Variants in HDAC4 observed in about 807,000 individuals in gnomAD.
The protein encoded by HDAC4 is histone deacetylase A.
In HDAC4, 16 loss-of-function variants were observed where a neutral mutation model predicts 135.1. That is an observed-to-expected ratio of 0.12 (90% CI 0.08 to 0.18). The LOEUF (loss-of-function observed/expected upper bound fraction) is 0.18, where lower values mean the gene tolerates loss of function less well. HDAC4 is among the 10% of genes least tolerant of loss of function. The pLI is 1.00. For synonymous variants in HDAC4, 685 were observed against 653.4 expected, an observed-to-expected ratio of 1.05 and a Z score of -0.74; for missense variants, 1,143 against 1,511.8, an observed-to-expected ratio of 0.76 and a Z score of 4.05.
intron 14 of HDAC4, among the ~76,000 whole-genome samples, chr2:239,111,057 C>T (rs2038624298): frequency 6.6e-6 from 1 of 152,246 alleles, no homozygotes; most frequent in South Asian, 2.1e-4. Context: ...CACAGCGTGT[C>T]CCAGGGGTCC....
chr2:239,156,834 C>T (rs2152951672), intron 6 of HDAC4, 61 bp from the exon 7 acceptor site: 2 of 1,604,646 alleles, frequency 1.2e-6, no homozygotes, highest in South Asian at 2.2e-5. Flanking sequence ...AGGCATGCTG[C>T]AGCCGAGAAG....
At chr2:239,169,664 G>A (rs2043329444) in intron 5 of HDAC4, among the ~76,000 whole-genome samples, 1 of 152,232 alleles carries the variant, frequency 6.6e-6, no homozygotes, top group African/African-American at 2.4e-5. Context: ...AGAACACCCT[G>A]GAGTGAACAG....
In HDAC4 at chr2:239,081,854, T is replaced by A. The variant is rs148847978; in HGVS notation, c.2652+248A>T. On this transcript the variant is annotated intron_variant, in intron 21 of 26. Coordinates refer to ENST00000543185, the MANE Select transcript of HDAC4 (RefSeq NM_001378414.1). ...ACACCTCCTCCTTCACAAACACCTCTGTCTGCCTGGATGGGAACCAGAAAC... is the reference window on the plus strand; with the variant it reads ...ACACCTCCTCCTTCACAAACACCTCAGTCTGCCTGGATGGGAACCAGAAAC... 5.3e-3 allele frequency among the ~76,000 whole-genome samples: 813 copies of A among 152,352 alleles called. 8 individuals are homozygous for A. The highest frequency in any genetic ancestry group is 0.018 in the African/African-American group (768 of 41,590).
chr2:239,134,652 A>C lies in HDAC4; in HGVS notation c.979-9T>G. Reference sequence around the variant, plus strand: ...CTGTGCGCCAAACTCGTCTGGGGACAGAACACACGATGACCATCACAGTCT... The same window carrying C: ...CTGTGCGCCAAACTCGTCTGGGGACCGAACACACGATGACCATCACAGTCT... On this transcript the variant is annotated splice_polypyrimidine_tract_variant and intron_variant, in intron 9 of 26. Coordinates refer to ENST00000543185, the MANE Select transcript of HDAC4 (RefSeq NM_001378414.1). 6.2e-7 allele frequency: 1 copy of C among 1,603,730 alleles called. No individual in the cohort carries two copies.
chr2:239,298,392 G>A, intron 2 of HDAC4: 2 of 1,180,870 alleles, frequency 1.7e-6, no homozygotes, highest in South Asian at 1.6e-5. Context: ...CAGAGCTCTT[G>A]CACCTCAGAG....
chr2:239,292,168 C>T (rs955737398), intron 2 of HDAC4, among the ~76,000 whole-genome samples: 1 of 152,176 alleles, frequency 6.6e-6, no homozygotes, highest in Non-Finnish European at 1.5e-5. Context: ...GTAGGTGGGG[C>T]CCCAAGTGTT....
chr2:239,222,058 G>A (rs553215732), intron 3 of HDAC4, among the ~76,000 whole-genome samples: 5 of 152,264 alleles, frequency 3.3e-5, no homozygotes, highest in East Asian at 1.9e-4. Context: ...GCCATAAGGG[G>A]CTCCAAAGAC....
intron 25 of HDAC4, among the ~76,000 whole-genome samples, 164 bp from the exon 26 acceptor site, chr2:239,053,765 T>A (rs545920133): frequency 6.6e-6 from 1 of 152,294 alleles, no homozygotes; most frequent in South Asian, 2.1e-4. Context: ...ACTGCATGGC[T>A]ACAAACTCAC....
chr2:239,337,296 C>T (rs973043839), intron 2 of HDAC4, among the ~76,000 whole-genome samples: 4 of 152,130 alleles, frequency 2.6e-5, no homozygotes, highest in African/African-American at 9.7e-5. Context: ...GCGAAATAAA[C>T]GTTTTGGCTC....
At chr2:239,158,758 C>G (rs1177389866) in intron 6 of HDAC4, among the ~76,000 whole-genome samples, 1 of 152,086 alleles carries the variant, frequency 6.6e-6, no homozygotes, top group Admixed American at 6.5e-5. Context: ...GAGGGCGGCC[C>G]TCACCGTCAG....
intron 22 of HDAC4, among the ~76,000 whole-genome samples, chr2:239,074,739 C>G (rs1272433273): frequency 6.6e-6 from 1 of 152,232 alleles, no homozygotes; most frequent in Non-Finnish European, 1.5e-5. Flanking sequence ...GTCCCTTCTC[C>G]TCCATGGGAC....
At chr2:239,321,760 T>C (rs566103673) in intron 2 of HDAC4, among the ~76,000 whole-genome samples, 44 of 152,208 alleles carry the variant, frequency 2.9e-4, no homozygotes, top group African/African-American at 6.7e-4. Context: ...AGCCCTGCCA[T>C]AGAGCACAGA....
intron 24 of HDAC4, among the ~76,000 whole-genome samples, chr2:239,066,429 G>C (rs769098286): frequency 6.6e-6 from 1 of 152,246 alleles, no homozygotes; most frequent in Non-Finnish European, 1.5e-5. Context: ...GTAATGGAGA[G>C]AGGGACCCTG....
chr2:239,157,942 C>T (rs1198107649), intron 6 of HDAC4, among the ~76,000 whole-genome samples: 2 of 152,202 alleles, frequency 1.3e-5, no homozygotes, highest in East Asian at 3.9e-4. Context: ...CGGAAAACTG[C>T]ACAGCTTCAG....
At chr2:239,247,153 G>A (rs551661647) in intron 2 of HDAC4, among the ~76,000 whole-genome samples, 2 of 152,320 alleles carry the variant, frequency 1.3e-5, no homozygotes, top group East Asian at 1.9e-4. Context: ...GGATAACCGC[G>A]CTCCCTCGCT....
intron 3 of HDAC4, among the ~76,000 whole-genome samples, chr2:239,190,450 A>G (rs1340545276): frequency 6.6e-6 from 1 of 152,170 alleles, no homozygotes; most frequent in Non-Finnish European, 1.5e-5. Context: ...AAAAATAAAG[A>G]AAAAGGTTGT....
chr2:239,165,238 A>T (rs2043053588), intron 5 of HDAC4, among the ~76,000 whole-genome samples: 2 of 151,592 alleles, frequency 1.3e-5, no homozygotes. Context: ...AGAAAAAAAG[A>T]AAAACGAAAC....
chr2:239,259,881 G>A (rs1013475953), intron 2 of HDAC4, among the ~76,000 whole-genome samples: 1 of 152,206 alleles, frequency 6.6e-6, no homozygotes, highest in Admixed American at 6.5e-5. Flanking sequence ...TGGGGCAGGA[G>A]AGGAAGAGAG....
intron 3 of HDAC4, among the ~76,000 whole-genome samples, chr2:239,232,003 G>C (rs552298): frequency 0.15 from 1,469 of 10,044 alleles, 38 homozygotes; most frequent in South Asian, 0.24. Context: ...AAGCGCCCCT[G>C]TCCTCAATCG....
Sources: allele counts gnomAD v4.1 joint callset (sites outside exome capture counted in the v4.1 genomes callset), GRCh38; gene constraint gnomAD v4.1.1; transcripts MANE v1.5; gene names NCBI Gene and HGNC (gene_info 2026-07-23, HGNC 2026-07-21).